Variants in KCNIP4 observed in about 807,000 individuals in gnomAD.
KCNIP4 encodes Kv channel-interacting protein 4.
In KCNIP4, 12 loss-of-function variants were observed where a neutral mutation model predicts 34.0. The observed-to-expected ratio is 0.35, with a 90% confidence interval of 0.23 to 0.57. The LOEUF (loss-of-function observed/expected upper bound fraction) is 0.57. KCNIP4 is among the 20% of genes least tolerant of loss of function. The probability of loss-of-function intolerance (pLI) is 0.83; values close to 1 mark genes in which losing one functional copy is unlikely to be tolerated. For synonymous variants in KCNIP4, 124 were observed against 102.2 expected, an observed-to-expected ratio of 1.21 and a Z score of -1.29; for missense variants, 238 against 311.7, an observed-to-expected ratio of 0.76 and a Z score of 1.78.
intron 1 of KCNIP4, among the ~76,000 whole-genome samples, chr4:21,457,218 C>T (rs1729027215): frequency 6.6e-6 from 1 of 152,052 alleles, no homozygotes. Context: ...GATCATTTGT[C>T]ATCTGCTGCT....
At chr4:21,867,281 A>C (rs547183145) in intron 1 of KCNIP4, among the ~76,000 whole-genome samples, 1 of 152,316 alleles carries the variant, frequency 6.6e-6, no homozygotes, top group South Asian at 2.1e-4. Flanking sequence ...AGGTTCATTT[A>C]AGTAAATCAC....
rs147319513 is a variant in KCNIP4, at chr4:20,821,793, T to C, written c.288+28750A>G. Reference sequence around the variant, plus strand: ...AAATGGCCTCCAACTCCATTCAAATTGCTGCAAAAGACATTTTTCATTCCA... The same window carrying C: ...AAATGGCCTCCAACTCCATTCAAATCGCTGCAAAAGACATTTTTCATTCCA... On this transcript the variant is annotated intron_variant, in intron 3 of 8. Transcript: ENST00000382152. 2.6e-5 allele frequency among the ~76,000 whole-genome samples: 4 copies of C among 152,280 alleles called. No homozygotes were observed. The East Asian group carries it at 7.7e-4, about 29-fold the overall frequency.
intron 1 of KCNIP4, among the ~76,000 whole-genome samples, chr4:21,517,289 G>T (rs1225215612): frequency 2.0e-5 from 3 of 152,034 alleles, no homozygotes. Context: ...CATAAACACA[G>T]GTATGAAGTA....
At chr4:21,762,439 T>A (rs1437287260) in intron 1 of KCNIP4, among the ~76,000 whole-genome samples, 3 of 152,132 alleles carry the variant, frequency 2.0e-5, no homozygotes, top group Non-Finnish European at 4.4e-5. Flanking sequence ...GTTTTTCCCA[T>A]TTCTTATGTG....
At chr4:21,178,779 A>G (rs1168775172) in intron 1 of KCNIP4, among the ~76,000 whole-genome samples, 1 of 151,436 alleles carries the variant, frequency 6.6e-6, no homozygotes, top group African/African-American at 2.4e-5. Flanking sequence ...GAGTCACCAG[A>G]GAACTCCTTC....
At chr4:20,891,970 C>T (rs1208238408) in intron 1 of KCNIP4, among the ~76,000 whole-genome samples, 1 of 152,162 alleles carries the variant, frequency 6.6e-6, no homozygotes, top group African/African-American at 2.4e-5. Flanking sequence ...TACTAGGCCC[C>T]AGATAACTTG....
intron 1 of KCNIP4, among the ~76,000 whole-genome samples, chr4:21,168,596 G>A (rs1291712732): frequency 6.6e-6 from 1 of 152,120 alleles, no homozygotes. Context: ...GGTAGCTGGA[G>A]TCCTAATTTC....
In KCNIP4 at chr4:21,539,684, A is replaced by T. The variant is rs1045533405; in HGVS notation, c.61+408887T>A. ...CAGATACCATTTTATATGCTGTGTA[A>T]GAATTCTTTTGTGAGGCCGGGCACA... On this transcript the variant is annotated intron_variant, in intron 1 of 8. Transcript: ENST00000382152. Among the ~76,000 whole-genome samples the T allele has an allele frequency of 2.6e-5, 4 of 152,100 alleles. 1 individual carries two copies. Among genetic ancestry groups the T allele is most frequent in the African/African-American group, 7.2e-5 (3 of 41,414 alleles).
At chr4:21,475,438 A>G (rs1253615041) in intron 1 of KCNIP4, among the ~76,000 whole-genome samples, 2 of 152,230 alleles carry the variant, frequency 1.3e-5, no homozygotes, top group Admixed American at 6.5e-5. Flanking sequence ...ACTGATACTC[A>G]GAGCCTGGCA....
intron 3 of KCNIP4, among the ~76,000 whole-genome samples, chr4:20,762,961 G>A (rs1755072263): frequency 6.6e-6 from 1 of 152,084 alleles, no homozygotes; most frequent in Non-Finnish European, 1.5e-5. Flanking sequence ...CAGCAAGAAA[G>A]GAGAAGTGCT....
At chr4:20,740,693 C>G (rs1348906916) in intron 5 of KCNIP4, among the ~76,000 whole-genome samples, 1 of 152,154 alleles carries the variant, frequency 6.6e-6, no homozygotes, top group Non-Finnish European at 1.5e-5. Flanking sequence ...CAGCTAACAT[C>G]ATAATGACAG....
intron 1 of KCNIP4, among the ~76,000 whole-genome samples, chr4:21,395,392 T>C (rs1049799532): frequency 2.0e-5 from 3 of 152,192 alleles, no homozygotes; most frequent in African/African-American, 7.2e-5. Context: ...TTGTCTTTCC[T>C]AAATAAACCA....
chr4:21,039,349 G>A lies in KCNIP4; in HGVS notation c.62-156640C>T, dbSNP rs75564127. The stretch of plus-strand genomic sequence containing the variant: ...CATGCCACTGCACTCCAGCCTGGGC[G>A]ATGGAGCAAGACTCCGTCTCAAAAA... On this transcript the variant is annotated intron_variant, in intron 1 of 8. Coordinates refer to ENST00000382152, the MANE Select transcript of KCNIP4 (RefSeq NM_025221.6). Among the ~76,000 whole-genome samples, 19 of 149,540 alleles carry A rather than the reference G, an allele frequency of 1.3e-4. No individual in the cohort carries two copies. In the East Asian group the frequency reaches 3.1e-3, roughly 25 times the overall value.
At chr4:21,630,203 A>G (rs1240043721) in intron 1 of KCNIP4, among the ~76,000 whole-genome samples, 1 of 151,422 alleles carries the variant, frequency 6.6e-6, no homozygotes, top group African/African-American at 2.4e-5. Context: ...GCGGTGGCTC[A>G]TGCCTGTAAT....
intron 1 of KCNIP4, among the ~76,000 whole-genome samples, chr4:21,105,971 T>A (rs1748485666): frequency 2.0e-5 from 3 of 151,510 alleles, no homozygotes; most frequent in Admixed American, 2.0e-4. Context: ...GGATAAGCTT[T>A]TTGATGTGCT....
intron 1 of KCNIP4, among the ~76,000 whole-genome samples, chr4:21,701,946 TG>T (rs1712885898): frequency 6.6e-6 from 1 of 152,010 alleles, no homozygotes; most frequent in African/African-American, 2.4e-5. Context: ...TCAGATGATC[TG>T]CTTGCGTTGG....
At chr4:21,277,252 A>C (rs1762500114) in intron 1 of KCNIP4, among the ~76,000 whole-genome samples, 1 of 152,170 alleles carries the variant, frequency 6.6e-6, no homozygotes, top group Non-Finnish European at 1.5e-5. Context: ...GTCACCAATA[A>C]ACAAGGTCTG....
chr4:21,779,416 T>C (rs1340433507), intron 1 of KCNIP4, among the ~76,000 whole-genome samples: 2 of 152,156 alleles, frequency 1.3e-5, no homozygotes, highest in Admixed American at 6.6e-5. Context: ...TGAAAATTGA[T>C]GAGAGATTAA....
At chr4:21,673,076 A>G (rs561396539) in intron 1 of KCNIP4, among the ~76,000 whole-genome samples, 38 of 152,242 alleles carry the variant, frequency 2.5e-4, no homozygotes, top group Non-Finnish European at 3.7e-4. Flanking sequence ...GAAATGGCAT[A>G]GCATCATGAT....
Sources: allele counts gnomAD v4.1 joint callset (sites outside exome capture counted in the v4.1 genomes callset), GRCh38; gene constraint gnomAD v4.1.1; transcripts MANE v1.5; gene names NCBI Gene and HGNC (gene_info 2026-07-23, HGNC 2026-07-21).